The following CSMD1 variants were observed in gnomAD, a reference collection of about 807,000 sequenced individuals.
CSMD1 encodes the protein CUB and sushi domain-containing protein 1.
In CSMD1, 213 loss-of-function variants were observed where a neutral mutation model predicts 417.5. That is an observed-to-expected ratio of 0.51 (90% CI 0.46 to 0.57). CSMD1 has a LOEUF of 0.57. CSMD1 is among the 20% of genes least tolerant of loss of function. CSMD1 has a pLI of 0.00. For synonymous variants in CSMD1, 2,862 were observed against 1,736.8 expected, an observed-to-expected ratio of 1.65 and a Z score of -16.11; for missense variants, 6,923 against 4,529.7, an observed-to-expected ratio of 1.53 and a Z score of -15.17.
chr8:3,701,356 CT>C (rs1800854953), intron 7 of CSMD1, among the ~76,000 whole-genome samples: 1 of 152,154 alleles, frequency 6.6e-6, no homozygotes, highest in Admixed American at 6.5e-5. Context: ...CATGACTTCT[CT>C]TTTTCTTTGT....
intron 3 of CSMD1, among the ~76,000 whole-genome samples, chr8:4,155,789 G>C (rs886480563): frequency 2.6e-5 from 4 of 152,104 alleles, no homozygotes; most frequent in African/African-American, 9.7e-5. Flanking sequence ...TGTGTATTAA[G>C]AGCCACAAAG....
chr8:3,201,718 A>C lies in CSMD1; in HGVS notation c.4992T>G (p.Phe1664Leu). The C allele has an allele frequency of 6.3e-7, 1 of 1,588,080 alleles. No individual in the cohort carries two copies. Among genetic ancestry groups the C allele is most frequent in the South Asian group, 1.1e-5 (1 of 87,090 alleles). Reference sequence around the variant, plus strand: ...CTGTCTGGAAATAGGCAAACTGTCCAAAGACCACTAAAAAATAAGAGGTGG... The same window carrying C: ...CTGTCTGGAAATAGGCAAACTGTCCCAAGACCACTAAAAAATAAGAGGTGG... Reference protein sequence around the residue: ...SITVPKEFVVFGQFAYFQTAL... With the variant: ...SITVPKEFVVLGQFAYFQTAL... Residue 1664 changes from phenylalanine to leucine, a missense_variant, in exon 32 of 70, where the codon TTT becomes TTG. Phe to Leu is a conservative substitution (Grantham distance 22). Coordinates refer to ENST00000635120, the MANE Select transcript of CSMD1 (RefSeq NM_033225.6).
chr8:3,862,883 T>A (rs539965010), intron 5 of CSMD1, among the ~76,000 whole-genome samples: 3 of 152,284 alleles, frequency 2.0e-5, no homozygotes, highest in Non-Finnish European at 2.9e-5. Context: ...TATTACTGTG[T>A]CTTAGTTCAT....
intron 10 of CSMD1, among the ~76,000 whole-genome samples, chr8:3,514,103 T>C (rs569024691): frequency 1.3e-5 from 2 of 152,098 alleles, no homozygotes; most frequent in Non-Finnish European, 2.9e-5. Context: ...TCCTCTTCTC[T>C]TGGCAGATAG....
chr8:4,166,100 G>A (rs1430574592), intron 3 of CSMD1, among the ~76,000 whole-genome samples: 1 of 152,060 alleles, frequency 6.6e-6, no homozygotes, highest in Non-Finnish European at 1.5e-5. Flanking sequence ...TTAATGATGA[G>A]GTCATAGAGC....
intron 3 of CSMD1, among the ~76,000 whole-genome samples, chr8:4,294,274 T>C (rs1348322536): frequency 6.6e-6 from 1 of 152,214 alleles, no homozygotes; most frequent in Admixed American, 6.5e-5. Flanking sequence ...CAATCACCTA[T>C]GAATAAAGGC....
intron 10 of CSMD1, among the ~76,000 whole-genome samples, chr8:3,573,031 A>ACT (rs10648583): frequency 0.26 from 36,767 of 142,322 alleles, 6,564 homozygotes; most frequent in African/African-American, 0.52. Flanking sequence ...TTGAAATAAA[A>ACT]CTCTTTTTTG....
intron 3 of CSMD1, among the ~76,000 whole-genome samples, chr8:4,056,613 C>A (rs1473146731): frequency 3.3e-5 from 5 of 151,708 alleles, no homozygotes; most frequent in Admixed American, 6.6e-5. Flanking sequence ...TATACATGTG[C>A]CATGCTGGGG....
chr8:3,900,852 T>A (rs1013265984), intron 5 of CSMD1, among the ~76,000 whole-genome samples: 1 of 152,218 alleles, frequency 6.6e-6, no homozygotes, highest in African/African-American at 2.4e-5. Flanking sequence ...TTTCCGAGCA[T>A]TACTTTTTCA....
chr8:4,532,122 T>A (rs1283698729), intron 2 of CSMD1, among the ~76,000 whole-genome samples: 1 of 131,646 alleles, frequency 7.6e-6, no homozygotes. Context: ...TCACAGTCAC[T>A]CCGGAAGAGA....
intron 11 of CSMD1, among the ~76,000 whole-genome samples, chr8:3,471,603 T>G (rs1585213772): frequency 7.5e-6 from 1 of 132,876 alleles, no homozygotes; most frequent in East Asian, 2.6e-4. Context: ...TCCCTCCTTC[T>G]TCCTCTCTCC....
At chr8:4,153,396 A>T (rs926585063) in intron 3 of CSMD1, among the ~76,000 whole-genome samples, 3 of 152,172 alleles carry the variant, frequency 2.0e-5, no homozygotes, top group African/African-American at 7.2e-5. Flanking sequence ...CTGCAGTTCT[A>T]GGTTCCCTAG....
intron 1 of CSMD1, among the ~76,000 whole-genome samples, chr8:4,679,774 A>G (rs955280051): frequency 2.0e-5 from 3 of 152,200 alleles, no homozygotes; most frequent in Non-Finnish European, 4.4e-5. Flanking sequence ...CTTTATGCTA[A>G]GTAATATGTG....
chr8:4,394,043 G>T (rs972254070), intron 3 of CSMD1, among the ~76,000 whole-genome samples: 1 of 152,092 alleles, frequency 6.6e-6, no homozygotes, highest in African/African-American at 2.4e-5. Flanking sequence ...TCAGTGAAGG[G>T]CTAATACTTC....
At chr8:2,984,042 T>A (rs914633704) in intron 54 of CSMD1, among the ~76,000 whole-genome samples, 1 of 152,174 alleles carries the variant, frequency 6.6e-6, no homozygotes, top group African/African-American at 2.4e-5. Flanking sequence ...AACTGTTAAT[T>A]ACTAAGAAAA....
chr8:3,026,549 A>C (rs2128974852), intron 51 of CSMD1, among the ~76,000 whole-genome samples: 1 of 145,998 alleles, frequency 6.8e-6, no homozygotes, highest in Admixed American at 6.8e-5. Context: ...ACTGGACCTC[A>C]CTGACTTCAC....
rs191408560 is a variant in CSMD1, at chr8:4,116,530, C to A, written c.416-84431G>T. 2.9e-3 allele frequency among the ~76,000 whole-genome samples: 216 copies of A among 73,454 alleles called. 14 individuals are homozygous for A. The highest frequency in any genetic ancestry group is 0.012 in the African/African-American group (207 of 16,756). 48.2% of individuals were successfully genotyped at this position (73,454 alleles called of 152,430 possible). On this transcript the variant is annotated intron_variant, in intron 3 of 69. Transcript: ENST00000635120. ...CGACGGCGATGTATGAGTGCAGGTA[C>A]CTGGATGGAACAAACGCGCCATGAA...
At chr8:3,697,558 G>C (rs1800622331) in intron 7 of CSMD1, among the ~76,000 whole-genome samples, 1 of 152,084 alleles carries the variant, frequency 6.6e-6, no homozygotes, top group Non-Finnish European at 1.5e-5. Context: ...CACTAACAAA[G>C]ACTTGCTCAT....
intron 37 of CSMD1, among the ~76,000 whole-genome samples, chr8:3,170,430 G>A (rs1181363447): frequency 3.3e-5 from 5 of 152,020 alleles, no homozygotes; most frequent in African/African-American, 7.2e-5. Context: ...GGATGGTCTC[G>A]ATCTCCTGAC....
Sources: gnomAD v4.1 joint callset for allele counts (sites outside exome capture counted in the v4.1 genomes callset) on GRCh38, gnomAD v4.1.1 for gene constraint, MANE v1.5 for transcripts, NCBI Gene and HGNC (gene_info 2026-07-23, HGNC 2026-07-21) for gene names.